Variants in AGAP1 observed in about 807,000 individuals in gnomAD.
AGAP1 encodes ArfGAP with GTPase domain, ankyrin repeat and PH domain 1.
AGAP1 carries 29 observed loss-of-function variants against 105.3 expected under a neutral mutation model. The ratio of observed to expected loss-of-function variants is 0.28; its 90% CI spans 0.21 to 0.38. The LOEUF (loss-of-function observed/expected upper bound fraction) is 0.38, where lower values mean the gene tolerates loss of function less well. Ranked by LOEUF, AGAP1 falls within the 10% of genes least tolerant of loss-of-function variation. The pLI is 1.00. For missense variants in AGAP1, 998 were observed against 1,165.1 expected (o/e 0.86, Z 2.09); for synonymous variants, 509 against 485.9 (o/e 1.05, Z -0.63).
intron 1 of AGAP1, among the ~76,000 whole-genome samples, chr2:235,672,049 CA>C (rs35296424): frequency 5.7e-4 from 83 of 145,764 alleles, no homozygotes; most frequent in East Asian, 1.8e-3. Context: ...TTTTTACCAC[CA>C]AAAAAAAAAA....
rs1369127006 is a variant in AGAP1, at chr2:236,104,559, C to T, written c.2115-15633C>T. Reference sequence around the variant, plus strand: ...CAGAATCCCTTACAAAGCCACAGCCCTCTGGCCTCTTAGAGAATCCAACTT... The same window carrying T: ...CAGAATCCCTTACAAAGCCACAGCCTTCTGGCCTCTTAGAGAATCCAACTT... On this transcript the variant is annotated intron_variant, in intron 16 of 17. Transcript: ENST00000304032. This position sits in a 1 kb window ranked among gnomAD's most constrained non-coding sequence, Gnocchi z 4.7. Among the ~76,000 whole-genome samples the T allele has an allele frequency of 6.6e-6, 1 of 152,216 alleles. No homozygotes were observed. The highest frequency in any genetic ancestry group is 2.1e-4 in the South Asian group (1 of 4,824).
In AGAP1 at chr2:236,124,029, C is replaced by T. The variant is rs770005759; in HGVS notation, c.2481C>T (p.Pro827=). The T allele has an allele frequency of 8.7e-6, 14 of 1,613,930 alleles. No homozygotes were observed. The highest frequency in any genetic ancestry group is 2.2e-5 in the East Asian group (1 of 44,892). Residue 827 remains proline (P), a synonymous_variant, in exon 18 of 18, where the codon CCC becomes CCT. Transcript: ENST00000304032. This position sits in a 1 kb window ranked among gnomAD's most constrained non-coding sequence, Gnocchi z 5.1. ...CIDVLLQYGC[P]DERFVLMATP... ...ACGTGCTGCTGCAGTACGGCTGCCCCGACGAGCGCTTCGTGCTCATGGCCA... is the reference window on the plus strand; with the variant it reads ...ACGTGCTGCTGCAGTACGGCTGCCCTGACGAGCGCTTCGTGCTCATGGCCA...
chr2:235,496,032 C>T (rs1941305991), intron 1 of AGAP1, among the ~76,000 whole-genome samples: 1 of 152,210 alleles, frequency 6.6e-6, no homozygotes, highest in Non-Finnish European at 1.5e-5. Flanking sequence ...GGTATCAGCC[C>T]ACAGAGAGGC....
At chr2:235,536,182 AGGACCCCGGGGTTTGTGTGTGG>A (rs1943214307) in intron 1 of AGAP1, among the ~76,000 whole-genome samples, 2 of 42,276 alleles carry the variant, frequency 4.7e-5, no homozygotes, top group African/African-American at 1.7e-4. Flanking sequence ...CACACACAGC[AGGACCCCGGGGTTTGTGTGTGG>A]CATCCTACAC....
intron 13 of AGAP1, among the ~76,000 whole-genome samples, chr2:236,023,543 G>A (rs1178002886): frequency 6.6e-6 from 1 of 152,158 alleles, no homozygotes; most frequent in South Asian, 2.1e-4. Flanking sequence ...GCTTTGTGGT[G>A]TGTCCTAAAA....
chr2:235,533,988 T>TC (rs149557356), intron 1 of AGAP1, among the ~76,000 whole-genome samples: 216 of 152,350 alleles, frequency 1.4e-3, no homozygotes, highest in African/African-American at 5.0e-3. Context: ...GGAGTGGGCT[T>TC]CAGGGGAGCC....
intron 13 of AGAP1, among the ~76,000 whole-genome samples, chr2:236,018,028 T>TA (rs1348478711): frequency 4.6e-5 from 7 of 152,160 alleles, no homozygotes; most frequent in Non-Finnish European, 1.0e-4. Flanking sequence ...CAGACAAGAT[T>TA]AAAAAACAAA....
intron 12 of AGAP1, among the ~76,000 whole-genome samples, chr2:235,952,096 G>A (rs2053761866): frequency 6.6e-6 from 1 of 152,190 alleles, no homozygotes; most frequent in South Asian, 2.1e-4. Flanking sequence ...TCAGTGCACA[G>A]ATAACCTCAT....
chr2:235,573,561 T>C (rs1944641194), intron 1 of AGAP1, among the ~76,000 whole-genome samples: 1 of 132,000 alleles, frequency 7.6e-6, no homozygotes, highest in African/African-American at 3.8e-5. Flanking sequence ...TTATAGTTAC[T>C]ATTATTAAAA....
rs529829170 is a variant in AGAP1 at position 235,773,457 on chromosome 2, G to C, written c.673+22969G>C. Among the ~76,000 whole-genome samples the C allele has an allele frequency of 9.3e-4, 142 of 152,334 alleles. 1 individual carries two copies. Among genetic ancestry groups the C allele is most frequent in the Non-Finnish European group, 1.4e-3 (96 of 68,032 alleles). ...TTGATTGGTTGCAGAAAGCAACCAG[G>C]TGGAGGCACTTTCAGTTTTCCATCT... is the stretch of plus-strand genomic sequence containing the variant. On this transcript the variant is annotated intron_variant, in intron 6 of 17. Coordinates refer to ENST00000304032, the MANE Select transcript of AGAP1 (RefSeq NM_001037131.3).
intron 15 of AGAP1, among the ~76,000 whole-genome samples, chr2:236,041,471 G>A (rs1342872996): frequency 6.6e-6 from 1 of 151,868 alleles, no homozygotes; most frequent in Non-Finnish European, 1.5e-5. Flanking sequence ...GTGCCATCGA[G>A]TACCCCAGTT....
chr2:235,932,153 T>C (rs546807029), intron 12 of AGAP1, among the ~76,000 whole-genome samples: 1 of 152,360 alleles, frequency 6.6e-6, no homozygotes, highest in African/African-American at 2.4e-5. Context: ...AACCACTGCA[T>C]GCCCCAGCGG....
chr2:235,672,686 A>G (rs527759742), intron 1 of AGAP1, among the ~76,000 whole-genome samples: 28 of 152,366 alleles, frequency 1.8e-4, no homozygotes, highest in African/African-American at 6.7e-4. Context: ...TGGACTTGGA[A>G]GAAAACAGTA....
At chr2:235,636,332 A>G (rs752474578) in intron 1 of AGAP1, among the ~76,000 whole-genome samples, 4 of 152,008 alleles carry the variant, frequency 2.6e-5, no homozygotes, top group African/African-American at 4.8e-5. Flanking sequence ...CCTGCCCCCA[A>G]TTTTTGGGAT....
At chr2:235,658,421 G>T (rs1402133258) in intron 1 of AGAP1, among the ~76,000 whole-genome samples, 1 of 152,218 alleles carries the variant, frequency 6.6e-6, no homozygotes, top group Non-Finnish European at 1.5e-5. Context: ...CTTCGGACGG[G>T]AAGAATTTAT....
rs2052975974 is a variant in AGAP1, at chr2:235,936,119, A to C, written c.1483+5196A>C. Among the ~76,000 whole-genome samples, 2 of 152,230 alleles carry C rather than the reference A, an allele frequency of 1.3e-5. No homozygotes were observed. The highest frequency in any genetic ancestry group is 1.3e-4 in the Admixed American group (2 of 15,292). On this transcript the variant is annotated intron_variant, in intron 12 of 17. Coordinates refer to ENST00000304032, the MANE Select transcript of AGAP1 (RefSeq NM_001037131.3). This position sits in a 1 kb window ranked among gnomAD's most constrained non-coding sequence, Gnocchi z 4.7. ...ACCCCATCCCCGATTGCTTCAGTCC[A>C]ACAGTTTATCTTCTGCCACGCTGAC... is the stretch of plus-strand genomic sequence containing the variant.
Position 235,875,407 on chromosome 2 carries a change from C to A in AGAP1, c.1051-7938C>A, listed in dbSNP as rs577808596. ...GTCTGCTGAGAGATCTGATTCCCAG[C>A]GGACCGGCCTTCCTCACTCGATGAT... is the stretch of plus-strand genomic sequence containing the variant. On this transcript the variant is annotated intron_variant, in intron 9 of 17. Transcript: ENST00000304032. This position sits in a 1 kb window ranked among gnomAD's most constrained non-coding sequence, Gnocchi z 4.0. 6.6e-5 allele frequency among the ~76,000 whole-genome samples: 10 copies of A among 152,310 alleles called. No individual in the cohort carries two copies. In the East Asian group the frequency reaches 1.7e-3, roughly 26 times the overall value.
intron 1 of AGAP1, among the ~76,000 whole-genome samples, chr2:235,627,240 T>C (rs1946671574): frequency 7.2e-6 from 1 of 138,766 alleles, no homozygotes; most frequent in Admixed American, 8.1e-5. Context: ...TTGCCCAGGC[T>C]GGAGTGCAGT....
At chr2:235,786,539 G>A (rs1956646858) in intron 6 of AGAP1, among the ~76,000 whole-genome samples, 1 of 152,150 alleles carries the variant, frequency 6.6e-6, no homozygotes, top group Admixed American at 6.5e-5. Context: ...AATTAATAAT[G>A]AATTATAGTT....
Sources: gnomAD v4.1 joint callset for allele counts (sites outside exome capture counted in the v4.1 genomes callset) on GRCh38, gnomAD v4.1.1 for gene constraint, Gnocchi (gnomAD v3.1) non-coding constraint, MANE v1.5 for transcripts, NCBI Gene and HGNC (gene_info 2026-07-23, HGNC 2026-07-21) for gene names.